The following NNMT variants were observed in gnomAD, a reference collection of about 807,000 sequenced individuals.
NNMT encodes nicotinamide N-methyltransferase.
In NNMT, 10 loss-of-function variants were observed where a neutral mutation model predicts 11.7. That is an observed-to-expected ratio of 0.85 (90% confidence interval 0.53 to 1.45). NNMT has a LOEUF of 1.45. Among genes scored for constraint, NNMT ranks in the 40% most tolerant of loss-of-function variants. NNMT has a pLI of 0.00. For synonymous variants in NNMT, 143 were observed against 133.8 expected (o/e 1.07, Z -0.48); for missense variants, 381 against 319.4 (o/e 1.19, Z -1.47).
intron 2 of NNMT, among the ~76,000 whole-genome samples, chr11:114,266,066 C>T (rs1311897112): frequency 6.6e-6 from 1 of 152,062 alleles, no homozygotes; most frequent in East Asian, 1.9e-4. Flanking sequence ...GGTAGCTTTC[C>T]TATATCCAAG....
rs1050207 is a variant in NNMT, at chr11:114,312,415, A to C, written c.733A>C (p.Thr245Pro). The change falls in exon 3 of 3, where the codon ACC (threonine) becomes CCC (proline). Residue 245 changes from threonine (T) to proline (P), a missense_variant. Thr to Pro is a conservative substitution (Grantham distance 38). Transcript: ENST00000299964. ...GGTGATCTCGCAAAGTTATTCTTCCACCATGGCCAACAACGAAGGACTTTT... is the reference window on the plus strand; with the variant it reads ...GGTGATCTCGCAAAGTTATTCTTCCCCCATGGCCAACAACGAAGGACTTTT... Reference protein sequence around the residue: ...FEVISQSYSSTMANNEGLFSL... With the variant: ...FEVISQSYSSPMANNEGLFSL... The C allele has an allele frequency of 6.2e-7, 1 of 1,614,218 alleles. No individual in the cohort carries two copies. The highest frequency in any genetic ancestry group is 8.5e-7 in the Non-Finnish European group (1 of 1,180,040).
chr11:114,310,386 G>C (rs1014996280), intron 2 of NNMT, among the ~76,000 whole-genome samples: 1 of 152,154 alleles, frequency 6.6e-6, no homozygotes, highest in Admixed American at 6.5e-5. Flanking sequence ...TCTGCTAATT[G>C]CTAAGCTCCT....
At chr11:114,305,985 T>A (rs1945488741) in intron 2 of NNMT, among the ~76,000 whole-genome samples, 1 of 152,240 alleles carries the variant, frequency 6.6e-6, no homozygotes, top group Admixed American at 6.5e-5. Context: ...AGTGTTCCTA[T>A]TTCTCCACAT....
intron 2 of NNMT, among the ~76,000 whole-genome samples, chr11:114,308,148 C>G (rs1945509653): frequency 6.6e-6 from 1 of 152,186 alleles, no homozygotes; most frequent in Admixed American, 6.5e-5. Flanking sequence ...GCTTTTCAGA[C>G]TTTTCCTCCT....
intron 2 of NNMT, among the ~76,000 whole-genome samples, chr11:114,271,682 A>T (rs1427510586): frequency 2.6e-5 from 4 of 152,118 alleles, no homozygotes; most frequent in African/African-American, 9.7e-5. Flanking sequence ...TCCCTACTTT[A>T]TGAATTACCA....
intron 2 of NNMT, among the ~76,000 whole-genome samples, chr11:114,268,812 C>A (rs930936589): frequency 6.6e-6 from 1 of 150,420 alleles, no homozygotes; most frequent in Non-Finnish European, 1.5e-5. Context: ...TGGTTCCCTG[C>A]CTTAGAGCTC....
intron 2 of NNMT, among the ~76,000 whole-genome samples, chr11:114,278,980 TC>T (rs1945237559): frequency 1.3e-5 from 2 of 152,096 alleles, no homozygotes; most frequent in Non-Finnish European, 2.9e-5. Context: ...TGCCTGGTGC[TC>T]CCCTTGCTGC....
Position 114,296,421 on chromosome 11 carries a change from C to G in NNMT, c.-136C>G. 1.2e-6 allele frequency: 1 copy of G among 817,286 alleles called. No individual in the cohort carries two copies. The highest frequency in any genetic ancestry group is 1.9e-6 in the Non-Finnish European group (1 of 526,814). 50.6% of individuals were successfully genotyped at this position (817,286 alleles called of 1,614,324 possible). A position where few individuals can be genotyped will look rare whatever the true frequency, so the allele number is the denominator to read the frequency against. On this transcript the variant is annotated 5_prime_UTR_variant, in exon 1 of 3. Transcript: ENST00000299964. ...GTTAGTGTTTAACCAACCATCTGTT[C>G]TAAAAGAAGGGCTGAACTGATGGAA... is the stretch of plus-strand genomic sequence containing the variant.
chr11:114,277,477 G>C (rs1228130013), intron 2 of NNMT, among the ~76,000 whole-genome samples: 1 of 152,158 alleles, frequency 6.6e-6, no homozygotes, highest in Non-Finnish European at 1.5e-5. Flanking sequence ...GTCTGAGGCA[G>C]GGAGGAGGTA....
At chr11:114,293,428 C>G (rs1945348567), upstream of NNMT, among the ~76,000 whole-genome samples, 1 of 151,830 alleles carries the variant, frequency 6.6e-6, no homozygotes, top group Admixed American at 6.6e-5. Context: ...TTTGGAATTG[C>G]CAGAATAGAG....
intron 2 of NNMT, among the ~76,000 whole-genome samples, chr11:114,267,511 G>A (rs1253458188): frequency 2.0e-5 from 3 of 151,978 alleles, no homozygotes; most frequent in African/African-American, 7.3e-5. Flanking sequence ...GCCAGCCACC[G>A]TATTAGTTCG....
intron 2 of NNMT, among the ~76,000 whole-genome samples, chr11:114,264,485 C>A (rs1945105643): frequency 6.6e-6 from 1 of 152,192 alleles, no homozygotes; most frequent in Non-Finnish European, 1.5e-5. Flanking sequence ...TAGTCACATG[C>A]AGCTTCTGAC....
intron 2 of NNMT, among the ~76,000 whole-genome samples, chr11:114,268,509 G>A (rs574409027): frequency 1.1e-3 from 175 of 152,176 alleles, no homozygotes; most frequent in African/African-American, 4.2e-3. Context: ...GGTGGCTCAC[G>A]CCTGTAATCC....
At chr11:114,292,384 G>A (rs190213869), upstream of NNMT, among the ~76,000 whole-genome samples, 122 of 152,248 alleles carry the variant, frequency 8.0e-4, no homozygotes, top group Non-Finnish European at 1.1e-3. Context: ...GGTTTGTATC[G>A]TATTTTCTAG....
chr11:114,306,847 C>T (rs1945496978), intron 2 of NNMT, among the ~76,000 whole-genome samples: 1 of 152,152 alleles, frequency 6.6e-6, no homozygotes, highest in African/African-American at 2.4e-5. Context: ...TGGCAGTTCT[C>T]TGAGGTAAAT....
intron 2 of NNMT, among the ~76,000 whole-genome samples, chr11:114,283,581 G>C (rs190590926): frequency 6.6e-6 from 1 of 152,122 alleles, no homozygotes; most frequent in African/African-American, 2.4e-5. Flanking sequence ...AGTTCATTCC[G>C]AAAGCTTTTT....
chr11:114,290,609 G>T (rs181317412), intron 2 of NNMT, among the ~76,000 whole-genome samples: 1 of 152,184 alleles, frequency 6.6e-6, no homozygotes, highest in Non-Finnish European at 1.5e-5. Context: ...ACCACACAAG[G>T]CATTATTTTT....
At chr11:114,283,514 AG>A (rs1385308582) in intron 2 of NNMT, among the ~76,000 whole-genome samples, 1 of 152,222 alleles carries the variant, frequency 6.6e-6, no homozygotes, top group African/African-American at 2.4e-5. Context: ...GGAAAATAAA[AG>A]GGGAGGAAGA....
At chr11:114,275,507 G>C (rs1431673391) in intron 2 of NNMT, among the ~76,000 whole-genome samples, 2 of 152,190 alleles carry the variant, frequency 1.3e-5, no homozygotes, top group African/African-American at 4.8e-5. Flanking sequence ...CTGACTGCAG[G>C]GTTGGCGGTC....
Sources: gnomAD v4.1 joint callset for allele counts (sites outside exome capture counted in the v4.1 genomes callset) on GRCh38, gnomAD v4.1.1 for gene constraint, MANE v1.5 for transcripts, NCBI Gene and HGNC (gene_info 2026-07-23, HGNC 2026-07-21) for gene names.